LEKR1: variants seen among roughly 807,000 people sequenced by gnomAD.
LEKR1 encodes protein LEKR1.
In LEKR1, 59 loss-of-function variants were observed where a neutral mutation model predicts 72.4. That is an observed-to-expected ratio of 0.82 (90% CI 0.66 to 1.01). LEKR1 has a LOEUF of 1.01. Among genes scored for constraint, LEKR1 ranks in the 50% least tolerant of loss-of-function variants. LEKR1 has a pLI of 0.00. For missense variants in LEKR1, 728 were observed against 759.2 expected, an observed-to-expected ratio of 0.96 and a Z score of 0.48; for synonymous variants, 257 against 263.2, an observed-to-expected ratio of 0.98 and a Z score of 0.23.
At position 157,040,315 on chromosome 3, in the gene LEKR1, C is replaced by T. The variant is rs144836462; in HGVS notation, c.1669-5025C>T. ...CTGTCCTGAAAATCTGCCTCTGAAG[C>T]ATATCAGTCTGAGGGATTATTGCCC... On this transcript the variant is annotated intron_variant, in intron 12 of 12. Transcript: ENST00000356539. 2.0e-5 allele frequency among the ~76,000 whole-genome samples: 3 copies of T among 152,300 alleles called. No homozygotes were observed. In the East Asian group the frequency reaches 5.8e-4, roughly 29 times the overall value.
intron 7 of LEKR1, among the ~76,000 whole-genome samples, chr3:156,989,142 T>C (rs1730951962): frequency 6.6e-6 from 1 of 152,194 alleles, no homozygotes; most frequent in Admixed American, 6.5e-5. Flanking sequence ...TTATCTACTG[T>C]TTTGCGAACT....
intron 6 of LEKR1, among the ~76,000 whole-genome samples, chr3:156,973,270 G>T (rs1252037768): frequency 6.6e-6 from 1 of 152,056 alleles, no homozygotes; most frequent in Non-Finnish European, 1.5e-5. Context: ...ATTCTAGTAA[G>T]TTTACATTGA....
In LEKR1 at chr3:156,894,837, C is replaced by A. The variant is rs185527419; in HGVS notation, c.264-25738C>A. On this transcript the variant is annotated intron_variant, in intron 3 of 12. Transcript: ENST00000356539. ...AATGCTGCTGGAATAACTGGCTATA[C>A]ATAAGTGGAAGATTGAAACTGGACC... 5.9e-5 allele frequency among the ~76,000 whole-genome samples: 9 copies of A among 152,284 alleles called. No homozygotes were observed. The East Asian group carries it at 1.7e-3, about 29-fold the overall frequency.
chr3:156,907,524 A>G (rs1722643523), intron 3 of LEKR1, among the ~76,000 whole-genome samples: 4 of 151,998 alleles, frequency 2.6e-5, no homozygotes, highest in Admixed American at 2.6e-4. Flanking sequence ...CTTTTTTGCT[A>G]TTAAAATAAT....
intron 11 of LEKR1, among the ~76,000 whole-genome samples, chr3:157,027,878 A>G (rs1223035712): frequency 6.6e-6 from 1 of 152,178 alleles, no homozygotes; most frequent in South Asian, 2.1e-4. Flanking sequence ...AAATTTATAT[A>G]TTTCCAAAAG....
At chr3:156,877,248 A>G (rs939143977) in intron 3 of LEKR1, among the ~76,000 whole-genome samples, 2 of 151,834 alleles carry the variant, frequency 1.3e-5, no homozygotes, top group Admixed American at 6.6e-5. Context: ...GTATTTTTGC[A>G]TCTATGTCCA....
intron 3 of LEKR1, among the ~76,000 whole-genome samples, chr3:156,885,448 G>T (rs1023296859): frequency 9.2e-5 from 14 of 152,182 alleles, no homozygotes; most frequent in Non-Finnish European, 1.8e-4. Context: ...AAGGCTTGCT[G>T]TTCAGATCCT....
intron 10 of LEKR1, chr3:157,017,806 G>A (rs9818123): frequency 0.57 from 86,894 of 151,568 alleles, 26,983 homozygotes; most frequent in South Asian, 0.8. Context: ...AAAATTAGCC[G>A]GGCATGGTGG....
At chr3:157,035,946 T>C (rs1485863920) in intron 12 of LEKR1, among the ~76,000 whole-genome samples, 6 of 152,130 alleles carry the variant, frequency 3.9e-5, no homozygotes, top group African/African-American at 1.4e-4. Context: ...ACAGTTGGGA[T>C]ATTCCAATGA....
At chr3:157,013,552 GTATGTATA>G (rs1733075841) in intron 10 of LEKR1, among the ~76,000 whole-genome samples, 1 of 152,056 alleles carries the variant, frequency 6.6e-6, no homozygotes, top group African/African-American at 2.4e-5. Flanking sequence ...TATTGCAGAG[GTATGTATA>G]TATGTATATA....
Position 156,877,284 on chromosome 3 carries a change from C to CT in LEKR1, c.263+24312dup, listed in dbSNP as rs1203458719. 1.2e-3 allele frequency among the ~76,000 whole-genome samples: 172 copies of CT among 147,046 alleles called. 1 individual carries two copies. The highest frequency in any genetic ancestry group is 3.8e-3 in the African/African-American group (152 of 40,110). On this transcript the variant is annotated intron_variant, in intron 3 of 12. Coordinates refer to ENST00000356539, the MANE Select transcript of LEKR1 (RefSeq NM_001004316.3). ...TCAGGGATATTGGTCTATAGTTTTT[C>CT]TTTTTTTTTTATGTCATTCCTGGTT...
At chr3:156,939,571 C>A (rs1266265085) in intron 5 of LEKR1, among the ~76,000 whole-genome samples, 1 of 151,978 alleles carries the variant, frequency 6.6e-6, no homozygotes, top group East Asian at 1.9e-4. Context: ...AATCAAAGTC[C>A]AAAACAGAAA....
chr3:156,991,985 G>A (rs1431576256), intron 7 of LEKR1, among the ~76,000 whole-genome samples: 8 of 152,182 alleles, frequency 5.3e-5, no homozygotes, highest in Admixed American at 5.2e-4. Flanking sequence ...GTGAAGTGGT[G>A]TTGCTTCACC....
At chr3:157,007,915 G>A (rs912855456) in intron 9 of LEKR1, among the ~76,000 whole-genome samples, 3 of 152,218 alleles carry the variant, frequency 2.0e-5, no homozygotes, top group Non-Finnish European at 4.4e-5. Flanking sequence ...CTCAGGAACA[G>A]ATCTGAACTG....
chr3:157,024,835 G>A lies in LEKR1; in HGVS notation c.1279G>A (p.Glu427Lys). Residue 427 changes from glutamate (E) to lysine (K), a missense_variant, in exon 11 of 13, where the codon GAA becomes AAA. Transcript: ENST00000356539. Reference protein sequence around the residue: ...FEEQALLFKEETKLQLDIEKE... With the variant: ...FEEQALLFKEKTKLQLDIEKE... Reference sequence around the variant, plus strand: ...AGAGCAAGCTCTTCTCTTTAAGGAAGAAACAAAATTGCAACTTGATATTGA... The same window carrying A: ...AGAGCAAGCTCTTCTCTTTAAGGAAAAAACAAAATTGCAACTTGATATTGA... 1 of 1,611,646 alleles carries A rather than the reference G, an allele frequency of 6.2e-7. No homozygotes were observed.
At chr3:157,020,507 C>T (rs951724811) in intron 10 of LEKR1, among the ~76,000 whole-genome samples, 1 of 141,712 alleles carries the variant, frequency 7.1e-6, no homozygotes, top group African/African-American at 2.6e-5. Flanking sequence ...CAATTGCCAT[C>T]TATGAGTGAG....
intron 7 of LEKR1, among the ~76,000 whole-genome samples, chr3:156,982,462 T>C (rs1367384784): frequency 6.6e-6 from 1 of 152,216 alleles, no homozygotes; most frequent in Non-Finnish European, 1.5e-5. Context: ...TATTTCCTTG[T>C]CTAGAACCCT....
intron 10 of LEKR1, among the ~76,000 whole-genome samples, chr3:157,012,307 T>C (rs549850352): frequency 6.6e-6 from 1 of 152,102 alleles, no homozygotes; most frequent in South Asian, 2.1e-4. Context: ...TCTGCCTTAG[T>C]TTTCTTATTA....
chr3:157,016,851 A>G (rs956115861), intron 10 of LEKR1, among the ~76,000 whole-genome samples: 2 of 152,298 alleles, frequency 1.3e-5, no homozygotes, highest in Admixed American at 6.5e-5. Flanking sequence ...TAGAAAGTAG[A>G]CTGTATTGAA....
Sources: allele counts gnomAD v4.1 joint callset (sites outside exome capture counted in the v4.1 genomes callset), GRCh38; gene constraint gnomAD v4.1.1; transcripts MANE v1.5; gene names NCBI Gene and HGNC (gene_info 2026-07-23, HGNC 2026-07-21).